The following CDH4 variants were observed in gnomAD, a reference collection of about 807,000 sequenced individuals.
The protein encoded by CDH4 is cadherin-4.
A neutral mutation model predicts 86.0 loss-of-function variants in CDH4; 33 were observed. That is an observed-to-expected ratio of 0.38 (90% CI 0.29 to 0.51). CDH4 has a LOEUF of 0.51. CDH4 is among the 20% of genes least tolerant of loss of function. CDH4 has a pLI of 0.86. For synonymous variants in CDH4, 555 were observed against 549.4 expected, an observed-to-expected ratio of 1.01 and a Z score of -0.14; for missense variants, 1,114 against 1,307.4, an observed-to-expected ratio of 0.85 and a Z score of 2.28.
chr20:61,525,869 C>G (rs1018867771), intron 2 of CDH4, among the ~76,000 whole-genome samples: 1 of 152,160 alleles, frequency 6.6e-6, no homozygotes, highest in Non-Finnish European at 1.5e-5. Flanking sequence ...AAGTCCTGCT[C>G]ATAGCCCAGA....
At chr20:61,347,778 G>A (rs1290054615) in intron 2 of CDH4, among the ~76,000 whole-genome samples, 2 of 152,198 alleles carry the variant, frequency 1.3e-5, no homozygotes, top group Non-Finnish European at 2.9e-5. Context: ...GTGCTTTCCT[G>A]GTTCGGCACG....
At position 61,475,560 on chromosome 20, in the gene CDH4, C is replaced by CCT. The variant is rs368941601; in HGVS notation, c.169+220637_169+220638dup. On this transcript the variant is annotated intron_variant, in intron 2 of 15. Coordinates refer to ENST00000614565, the MANE Select transcript of CDH4 (RefSeq NM_001794.5). ...CCTCCCTCTCTCCCTGCCCCCCCTC[C>CCT]CTCTCTCTCTCTCTCCCCCTGCCCG... Among the ~76,000 whole-genome samples, 4 of 1,680 alleles carry CCT rather than the reference C, an allele frequency of 2.4e-3. 1 individual carries two copies. Among genetic ancestry groups the CCT allele is most frequent in the Non-Finnish European group, 6.3e-3 (4 of 632 alleles). The allele number at this position is 1,680 out of a possible 152,430, so 1.1% of individuals were successfully genotyped here.
In CDH4 at chr20:61,266,176, C is replaced by T. The variant is rs574610031; in HGVS notation, c.169+11239C>T. ...GATCCTTGAGAGTTTGGGTGCTTCC[C>T]AGCCCAGGAAAGATGGCCCTGGTAC... On this transcript the variant is annotated intron_variant, in intron 2 of 15. Coordinates refer to ENST00000614565, the MANE Select transcript of CDH4 (RefSeq NM_001794.5). Among the ~76,000 whole-genome samples, 47 of 152,250 alleles carry T rather than the reference C, an allele frequency of 3.1e-4. 1 individual carries two copies. In the South Asian group the frequency reaches 8.3e-3, roughly 27 times the overall value.
At position 61,709,981 on chromosome 20, in the gene CDH4, C is replaced by G. The variant is rs1224826164; in HGVS notation, c.170-33582C>G. On this transcript the variant is annotated intron_variant, in intron 2 of 15. Transcript: ENST00000614565. The surrounding 1 kb of genome is among the most constrained non-coding windows in gnomAD (Gnocchi z 4.8). ...GTGTGTTGTAGGGAAAAGTTTGCCA[C>G]CAACAGCGAGTTTAAAACTTTGAAA... 6.6e-6 allele frequency among the ~76,000 whole-genome samples: 1 copy of G among 152,102 alleles called. No individual in the cohort carries two copies. The highest frequency in any genetic ancestry group is 1.5e-5 in the Non-Finnish European group (1 of 68,024).
At chr20:61,581,207 T>C (rs1421862714) in intron 2 of CDH4, among the ~76,000 whole-genome samples, 3 of 152,246 alleles carry the variant, frequency 2.0e-5, no homozygotes, top group African/African-American at 7.2e-5. Context: ...AGGGCCTGGC[T>C]CCAGGGATCC....
intron 2 of CDH4, among the ~76,000 whole-genome samples, chr20:61,553,462 A>T (rs1165001690): frequency 6.6e-6 from 1 of 152,236 alleles, no homozygotes; most frequent in Non-Finnish European, 1.5e-5. Flanking sequence ...CACAAAGATT[A>T]AAAACCAGCC....
intron 4 of CDH4, among the ~76,000 whole-genome samples, chr20:61,821,094 GCCACTGTCCCGCTC>G (rs1981001761): frequency 6.8e-6 from 1 of 146,996 alleles, no homozygotes; most frequent in African/African-American, 2.5e-5. Flanking sequence ...GTCCCTAGAT[GCCACTGTCCCGCTC>G]CCTACCCAGC....
intron 7 of CDH4, among the ~76,000 whole-genome samples, chr20:61,887,408 C>T (rs116815573): frequency 0.015 from 2,260 of 152,286 alleles, 65 homozygotes; most frequent in African/African-American, 0.052. Context: ...ACACACAACA[C>T]GCATGCACAT....
At chr20:61,312,925 C>T (rs1236972568) in intron 2 of CDH4, among the ~76,000 whole-genome samples, 1 of 152,170 alleles carries the variant, frequency 6.6e-6, no homozygotes, top group Non-Finnish European at 1.5e-5. Context: ...TGCAGGGGTG[C>T]TCGGCAGGTC....
At position 61,937,525 on chromosome 20, in the gene CDH4, G is replaced by A. The variant is rs2123029854; in HGVS notation, c.*582G>A. On this transcript the variant is annotated 3_prime_UTR_variant, in exon 16 of 16. Transcript: ENST00000614565. ...CAGCAGCCTTTGCTGTACACAGCTG[G>A]GGGTCTCTTGAGCCTCTTGGGAGTC... 6.6e-6 allele frequency: 1 copy of A among 152,254 alleles called. No individual in the cohort carries two copies. Among genetic ancestry groups the A allele is most frequent in the East Asian group, 1.9e-4 (1 of 5,156 alleles). 9.4% of individuals were successfully genotyped at this position (152,254 alleles called of 1,614,324 possible). A position where few individuals can be genotyped will look rare whatever the true frequency, so the allele number is the denominator to read the frequency against.
At chr20:61,670,406 A>G (rs1488131935) in intron 2 of CDH4, among the ~76,000 whole-genome samples, 3 of 152,162 alleles carry the variant, frequency 2.0e-5, no homozygotes, top group African/African-American at 4.8e-5. Flanking sequence ...TCCACCTCTG[A>G]CCTGGTCATG....
At chr20:61,924,192 A>G (rs1033935996) in intron 10 of CDH4, 142 bp from the exon 11 acceptor site, 1 of 810,548 alleles carries the variant, frequency 1.2e-6, no homozygotes, top group Admixed American at 2.8e-5. Context: ...GCCCTAGAGG[A>G]GGACAAGGCC....
intron 2 of CDH4, among the ~76,000 whole-genome samples, chr20:61,287,375 T>C (rs1426702393): frequency 1.3e-5 from 2 of 152,062 alleles, no homozygotes; most frequent in African/African-American, 4.8e-5. Flanking sequence ...CTCAGGAGGC[T>C]GAGGTGGCAG....
chr20:61,457,996 G>A (rs2085418603), intron 2 of CDH4, among the ~76,000 whole-genome samples: 1 of 151,422 alleles, frequency 6.6e-6, no homozygotes, highest in Non-Finnish European at 1.5e-5. Context: ...GCTGACACTG[G>A]TGGTGGTGTT....
In CDH4 at chr20:61,856,350, A is replaced by G. The variant is rs1050512014; in HGVS notation, c.877+3452A>G. On this transcript the variant is annotated intron_variant, in intron 6 of 15. Coordinates refer to ENST00000614565, the MANE Select transcript of CDH4 (RefSeq NM_001794.5). Reference sequence around the variant, plus strand: ...GCATGCCAGTACAGGCCCGGGATCCATGAGGGTCCTGTGTGCCCCCCACAC... The same window carrying G: ...GCATGCCAGTACAGGCCCGGGATCCGTGAGGGTCCTGTGTGCCCCCCACAC... 2.8e-4 allele frequency among the ~76,000 whole-genome samples: 43 copies of G among 152,192 alleles called. 1 individual carries two copies. Among genetic ancestry groups the G allele is most frequent in the African/African-American group, 1.0e-3 (43 of 41,508 alleles).
At chr20:61,715,448 A>G (rs1409399903) in intron 2 of CDH4, among the ~76,000 whole-genome samples, 1 of 152,066 alleles carries the variant, frequency 6.6e-6, no homozygotes, top group Non-Finnish European at 1.5e-5. Context: ...GCTTCCTCAT[A>G]CCATGAGGGA....
At chr20:61,323,638 TG>T (rs1344904399) in intron 2 of CDH4, among the ~76,000 whole-genome samples, 1 of 152,152 alleles carries the variant, frequency 6.6e-6, no homozygotes, top group Non-Finnish European at 1.5e-5. Flanking sequence ...GGCGTCTTCG[TG>T]GGTGTTTTAG....
At chr20:61,741,845 C>CT (rs948550434) in intron 2 of CDH4, among the ~76,000 whole-genome samples, 15 of 151,876 alleles carry the variant, frequency 9.9e-5, no homozygotes, top group Admixed American at 3.9e-4. Flanking sequence ...GCCGCCTGTA[C>CT]TTTTTTTTAA....
chr20:61,503,990 A>G (rs756243751), intron 2 of CDH4, among the ~76,000 whole-genome samples: 3 of 152,180 alleles, frequency 2.0e-5, no homozygotes, highest in Admixed American at 6.5e-5. Flanking sequence ...CTGGTTTTCT[A>G]TAGGGGCCAG....
Sources: allele counts gnomAD v4.1 joint callset (sites outside exome capture counted in the v4.1 genomes callset), GRCh38; gene constraint gnomAD v4.1.1; non-coding constraint Gnocchi (gnomAD v3.1); transcripts MANE v1.5; gene names NCBI Gene and HGNC (gene_info 2026-07-23, HGNC 2026-07-21).